Variants in COBL observed in about 807,000 individuals in gnomAD.
The protein encoded by COBL is cordon-bleu WH2 repeat protein, also known as protein cordon-bleu.
In COBL, 51 loss-of-function variants were observed where a neutral mutation model predicts 98.8. The observed-to-expected ratio is 0.52, with a 90% CI of 0.41 to 0.65. COBL has a LOEUF of 0.65. Among genes scored for constraint, COBL ranks in the 30% least tolerant of loss-of-function variants. The probability of loss-of-function intolerance (pLI) is 0.00; values close to 1 mark genes in which losing one functional copy is unlikely to be tolerated. For missense variants in COBL, 1,617 were observed against 1,617.5 expected (o/e 1.00, Z 0.01); for synonymous variants, 634 against 651.7 (o/e 0.97, Z 0.41).
At chr7:51,152,443 G>T (rs554921727) in intron 5 of COBL, among the ~76,000 whole-genome samples, 1 of 152,194 alleles carries the variant, frequency 6.6e-6, no homozygotes, top group East Asian at 1.9e-4. Flanking sequence ...CCAAGCTGCC[G>T]ACTCCCACAT....
intron 1 of COBL, among the ~76,000 whole-genome samples, chr7:51,279,061 G>C (rs551701165): frequency 2.7e-4 from 41 of 152,346 alleles, no homozygotes; most frequent in African/African-American, 9.6e-4. Flanking sequence ...GGCCTGCCCT[G>C]TGTACTAGTC....
At chr7:51,273,561 CT>C (rs137931703) in intron 1 of COBL, among the ~76,000 whole-genome samples, 1,636 of 152,290 alleles carry the variant, frequency 0.011, 22 homozygotes, top group African/African-American at 0.037. Context: ...TTGAAGCTGA[CT>C]TACCTTGTGA....
chr7:51,054,796 C>A (rs1191205018), intron 7 of COBL, among the ~76,000 whole-genome samples: 2 of 152,218 alleles, frequency 1.3e-5, no homozygotes, highest in Non-Finnish European at 2.9e-5. Context: ...GAAAACCCAG[C>A]CTTTCAAGAT....
chr7:51,260,413 G>A (rs1025750129), intron 1 of COBL, among the ~76,000 whole-genome samples: 1 of 152,044 alleles, frequency 6.6e-6, no homozygotes, highest in African/African-American at 2.4e-5. Context: ...ATCTTCCATG[G>A]GTCAGTATCT....
At position 51,029,486 on chromosome 7, in the gene COBL, T is replaced by C; in HGVS notation, c.1610A>G (p.Asp537Gly). 1 of 1,614,188 alleles carries C rather than the reference T, an allele frequency of 6.2e-7. No homozygotes were observed. The highest frequency in any genetic ancestry group is 8.5e-7 in the Non-Finnish European group (1 of 1,180,036). Residue 537 changes from aspartate (D) to glycine (G), a missense_variant, in exon 10 of 13, where the codon GAT becomes GGT. By Grantham distance (94) the Asp-to-Gly change is moderately conservative. This residue lies in a region of COBL where 1,304 missense variants were observed against 1,282.0 expected (regional missense o/e 1.02). Coordinates refer to ENST00000265136, the MANE Select transcript of COBL (RefSeq NM_015198.5). ...CCCTATGAATGTTACTGGGATTGCA[T>C]CTGTGTCGCCGTGAGGGATCATGGC... ...QDAMIPHGDT[D>G]AIPVTFIGEV...
chr7:51,304,931 C>T (rs549254277), intron 1 of COBL, among the ~76,000 whole-genome samples: 1 of 152,254 alleles, frequency 6.6e-6, no homozygotes, highest in East Asian at 1.9e-4. Context: ...TCCTTCCACT[C>T]ACGTTCTGTA....
At chr7:51,287,515 C>A (rs1412969046) in intron 1 of COBL, among the ~76,000 whole-genome samples, 2 of 152,174 alleles carry the variant, frequency 1.3e-5, no homozygotes, top group African/African-American at 4.8e-5. Context: ...TTGGAGCTCT[C>A]ATGCACTGCT....
intron 1 of COBL, among the ~76,000 whole-genome samples, chr7:51,279,764 A>G (rs531935069): frequency 6.6e-6 from 1 of 152,280 alleles, no homozygotes; most frequent in African/African-American, 2.4e-5. Flanking sequence ...TTCCCTAAAA[A>G]TCCTCTGTTC....
chr7:51,247,860 C>T (rs1347273067), intron 1 of COBL, among the ~76,000 whole-genome samples: 1 of 152,112 alleles, frequency 6.6e-6, no homozygotes, highest in Non-Finnish European at 1.5e-5. Flanking sequence ...CGCAATGGCT[C>T]ATGTCTGTAA....
At chr7:51,216,621 CTGTAAGAACAGACTTCAACT>C (rs1793078609) in intron 2 of COBL, among the ~76,000 whole-genome samples, 1 of 152,018 alleles carries the variant, frequency 6.6e-6, no homozygotes, top group Non-Finnish European at 1.5e-5. Flanking sequence ...ATGTCTTAAT[CTGTAAGAACAGACTTCAACT>C]TTTATTTATG....
At chr7:51,246,934 C>T (rs756727632) in intron 1 of COBL, among the ~76,000 whole-genome samples, 4 of 152,176 alleles carry the variant, frequency 2.6e-5, no homozygotes, top group Non-Finnish European at 5.9e-5. Flanking sequence ...CCTGTCCCCA[C>T]CAAGTCCTAA....
chr7:51,315,259 C>CAAA (rs71021769), intron 1 of COBL, among the ~76,000 whole-genome samples: 42,392 of 137,116 alleles, frequency 0.31, 7,822 homozygotes, highest in Non-Finnish European at 0.43. Context: ...AAGTGCACTG[C>CAAA]AAAAAAAAAA....
At position 51,156,206 on chromosome 7, in the gene COBL, A is replaced by G. The variant is rs76737876; in HGVS notation, c.784-19875T>C. On this transcript the variant is annotated intron_variant, in intron 5 of 12. Coordinates refer to ENST00000265136, the MANE Select transcript of COBL (RefSeq NM_015198.5). Reference sequence around the variant, plus strand: ...CAAAATACTCTGCACACACACACACACACACAAAATTTACAAGCCAAGAAG... The same window carrying G: ...CAAAATACTCTGCACACACACACACGCACACAAAATTTACAAGCCAAGAAG... 3.0e-6 allele frequency: 3 copies of G among 985,162 alleles called. No homozygotes were observed. In the East Asian group the frequency reaches 3.4e-4, roughly 112 times the overall value. 61.0% of individuals were successfully genotyped at this position (985,162 alleles called of 1,614,324 possible). A position where few individuals can be genotyped will look rare whatever the true frequency, so the allele number is the denominator to read the frequency against.
chr7:51,107,012 T>C (rs535442102), intron 6 of COBL, among the ~76,000 whole-genome samples: 1 of 151,914 alleles, frequency 6.6e-6, no homozygotes, highest in East Asian at 1.9e-4. Flanking sequence ...GTAAATACAA[T>C]GTAGAATAAT....
In COBL at chr7:51,061,440, A is replaced by T. The variant is rs1791348745; in HGVS notation, c.1097-17748T>A. ...CTTCTCTTCTGGAAGGGATGAGTGC[A>T]TTTTCGGTTGTATACAGGACAGCAG... On this transcript the variant is annotated intron_variant, in intron 7 of 12. Coordinates refer to ENST00000265136, the MANE Select transcript of COBL (RefSeq NM_015198.5). Among the ~76,000 whole-genome samples the T allele has an allele frequency of 2.0e-5, 3 of 152,158 alleles. No individual in the cohort carries two copies. The South Asian group carries it at 6.2e-4, about 32-fold the overall frequency.
At chr7:51,235,254 G>A (rs999884161) in intron 1 of COBL, among the ~76,000 whole-genome samples, 2 of 152,018 alleles carry the variant, frequency 1.3e-5, no homozygotes, top group African/African-American at 4.8e-5. Context: ...GTTTTATATC[G>A]TGGCCCCCAG....
chr7:51,044,350 T>G (rs895198144), intron 7 of COBL, among the ~76,000 whole-genome samples: 1 of 152,194 alleles, frequency 6.6e-6, no homozygotes, highest in Non-Finnish European at 1.5e-5. Flanking sequence ...TTAATACTAA[T>G]GATGGGTAGC....
chr7:51,059,045 C>T (rs1403615954), intron 7 of COBL, among the ~76,000 whole-genome samples: 2 of 152,366 alleles, frequency 1.3e-5, no homozygotes, highest in Admixed American at 6.5e-5. Context: ...AGTATAAGTG[C>T]ACCTGCAATG....
chr7:51,237,523 AC>A (rs1563074584), intron 1 of COBL, among the ~76,000 whole-genome samples: 1 of 137,054 alleles, frequency 7.3e-6, no homozygotes. Flanking sequence ...GAGTCCCTTA[AC>A]CCTTTTTTTT....
Sources: gnomAD v4.1 joint callset for allele counts (sites outside exome capture counted in the v4.1 genomes callset) on GRCh38, gnomAD v4.1.1 for gene constraint, gnomAD v4.1.1 regional missense constraint, MANE v1.5 for transcripts, NCBI Gene and HGNC (gene_info 2026-07-23, HGNC 2026-07-21) for gene names.